The following PDE8A variants were observed in gnomAD, a reference collection of about 807,000 sequenced individuals.
PDE8A encodes phosphodiesterase 8A.
PDE8A carries 59 observed loss-of-function variants against 105.0 expected under a neutral mutation model. The observed-to-expected ratio is 0.56, with a 90% CI of 0.46 to 0.70. The LOEUF (loss-of-function observed/expected upper bound fraction) is 0.70. Ranked by LOEUF, PDE8A falls within the 30% of genes least tolerant of loss-of-function variation. PDE8A has a pLI of 0.00. For missense variants in PDE8A, 1,014 were observed against 1,045.9 expected (o/e 0.97, Z 0.42); for synonymous variants, 355 against 371.9 (o/e 0.95, Z 0.52).
At chr15:85,038,082 T>C (rs750596291) in intron 1 of PDE8A, among the ~76,000 whole-genome samples, 15 of 152,244 alleles carry the variant, frequency 9.9e-5, no homozygotes, top group Non-Finnish European at 1.5e-4. Context: ...TTTAATAAAA[T>C]TGTTAAAACT....
chr15:85,115,089 T>C (rs1239232467), intron 14 of PDE8A, among the ~76,000 whole-genome samples: 1 of 152,124 alleles, frequency 6.6e-6, no homozygotes, highest in Non-Finnish European at 1.5e-5. Flanking sequence ...CAGAGCACAG[T>C]TGTCCCTAAG....
chr15:85,120,614 A>G (rs1262945724), intron 17 of PDE8A, 183 bp from the exon 18 acceptor site: 7 of 543,130 alleles, frequency 1.3e-5, no homozygotes, highest in Non-Finnish European at 2.3e-5. Context: ...AGACTAACAA[A>G]TATGCAGAAA....
chr15:85,107,050 G>A (rs906057831), intron 11 of PDE8A, among the ~76,000 whole-genome samples: 1 of 152,212 alleles, frequency 6.6e-6, no homozygotes, highest in Admixed American at 6.5e-5. Context: ...AAGGCAAGAA[G>A]GCAAGACAAT....
chr15:85,058,479 G>T (rs201098555), intron 1 of PDE8A, among the ~76,000 whole-genome samples: 1 of 152,194 alleles, frequency 6.6e-6, no homozygotes, highest in Admixed American at 6.5e-5. Context: ...GAGAAGGATT[G>T]TATTAGTTCT....
chr15:85,107,599 G>T (rs538104848), intron 11 of PDE8A, among the ~76,000 whole-genome samples: 1 of 152,172 alleles, frequency 6.6e-6, no homozygotes, highest in Non-Finnish European at 1.5e-5. Context: ...AAGGAGAGGG[G>T]AGGGGGAGAA....
At chr15:85,069,119 T>A (rs1293947173) in intron 3 of PDE8A, among the ~76,000 whole-genome samples, 1 of 152,232 alleles carries the variant, frequency 6.6e-6, no homozygotes, top group Non-Finnish European at 1.5e-5. Context: ...AAAAGTAATG[T>A]TACGTGCTCA....
At chr15:85,127,324 C>CA in intron 20 of PDE8A, among the ~76,000 whole-genome samples, 1 of 152,196 alleles carries the variant, frequency 6.6e-6, no homozygotes, top group East Asian at 1.9e-4. Context: ...TGTTCCTCAT[C>CA]ATTGCAATAG....
At position 85,011,572 on chromosome 15, in the gene PDE8A, G is replaced by T. The variant is rs78438220; in HGVS notation, c.186+29224G>T. 5.0e-3 allele frequency among the ~76,000 whole-genome samples: 755 copies of T among 152,262 alleles called. 3 individuals are homozygous for T. Among genetic ancestry groups the T allele is most frequent in the African/African-American group, 0.017 (698 of 41,554 alleles). On this transcript the variant is annotated intron_variant, in intron 1 of 21. Coordinates refer to ENST00000394553, the MANE Select transcript of PDE8A (RefSeq NM_002605.3). ...CTAAAAGGGAAGCTTCAACTTTATT[G>T]TTAGAAAAATAATGGTTTTCCTAGA...
At chr15:84,994,847 C>G (rs1424714861) in intron 1 of PDE8A, among the ~76,000 whole-genome samples, 1 of 151,886 alleles carries the variant, frequency 6.6e-6, no homozygotes, top group Non-Finnish European at 1.5e-5. Context: ...GCCTATAATC[C>G]TAGCTACTAG....
chr15:85,050,764 T>G (rs1484222233), intron 1 of PDE8A, among the ~76,000 whole-genome samples: 1 of 152,226 alleles, frequency 6.6e-6, no homozygotes, highest in Admixed American at 6.5e-5. Flanking sequence ...TTCAGTTATG[T>G]TCTTTTCAGG....
intron 1 of PDE8A, among the ~76,000 whole-genome samples, chr15:85,021,066 T>A (rs186140854): frequency 8.5e-5 from 13 of 152,138 alleles, no homozygotes; most frequent in African/African-American, 2.9e-4. Context: ...GATGATTAGG[T>A]CATGGGGGCA....
chr15:84,994,705 G>T (rs961009939), intron 1 of PDE8A, among the ~76,000 whole-genome samples: 1 of 152,100 alleles, frequency 6.6e-6, no homozygotes, highest in East Asian at 1.9e-4. Context: ...GGTGGCTCAC[G>T]CCTGTAATCC....
In PDE8A at chr15:85,117,859, C is replaced by T. The variant is rs1388290605; in HGVS notation, c.1734+20C>T. Reference sequence around the variant, plus strand: ...ATAAAGGTGAGCTGTTGTTTACCTGCCACATTTAATGGGCAGGAGCAGTGG... The same window carrying T: ...ATAAAGGTGAGCTGTTGTTTACCTGTCACATTTAATGGGCAGGAGCAGTGG... On this transcript the variant is annotated intron_variant, in intron 17 of 21. Coordinates refer to ENST00000394553, the MANE Select transcript of PDE8A (RefSeq NM_002605.3). 1.9e-6 allele frequency: 3 copies of T among 1,583,720 alleles called. No homozygotes were observed. The African/African-American group carries it at 4.0e-5, about 21-fold the overall frequency.
intron 11 of PDE8A, among the ~76,000 whole-genome samples, chr15:85,108,198 C>A (rs1192474422): frequency 6.6e-6 from 1 of 152,108 alleles, no homozygotes; most frequent in African/African-American, 2.4e-5. Context: ...AAGTGAAGAG[C>A]CTTTTCGATG....
chr15:85,061,839 A>G (rs2081150848), intron 1 of PDE8A, among the ~76,000 whole-genome samples: 1 of 151,994 alleles, frequency 6.6e-6, no homozygotes, highest in African/African-American at 2.4e-5. Context: ...TCCCCTCTCT[A>G]AGTGTGCTCA....
chr15:85,012,403 C>A (rs1241511473), intron 1 of PDE8A, among the ~76,000 whole-genome samples: 2 of 151,922 alleles, frequency 1.3e-5, no homozygotes, highest in Admixed American at 6.6e-5. Context: ...TTGTAGGGAC[C>A]TGGATGAAAT....
chr15:85,089,327 T>G lies in PDE8A; in HGVS notation c.636-11T>G. The G allele has an allele frequency of 1.4e-6, 2 of 1,422,406 alleles. No individual in the cohort carries two copies. Among genetic ancestry groups the G allele is most frequent in the African/African-American group, 2.8e-5 (2 of 70,784 alleles). The allele number at this position is 1,422,406 out of a possible 1,614,324, so 88.1% of individuals were successfully genotyped here. The stretch of plus-strand genomic sequence containing the variant: ...TACATTAATCATTCCTTTTTTTGTT[T>G]ACTCATAAAGGGCTTGTAACTCAGT... On this transcript the variant is annotated splice_polypyrimidine_tract_variant and intron_variant, in intron 6 of 21. Coordinates refer to ENST00000394553, the MANE Select transcript of PDE8A (RefSeq NM_002605.3).
chr15:85,129,461 T>C (rs2082301107), intron 20 of PDE8A, among the ~76,000 whole-genome samples: 1 of 152,238 alleles, frequency 6.6e-6, no homozygotes, highest in African/African-American at 2.4e-5. Flanking sequence ...TCAGTCCTGG[T>C]AGGTTGCATG....
chr15:85,113,659 C>T (rs911473389), intron 13 of PDE8A, among the ~76,000 whole-genome samples: 1 of 152,060 alleles, frequency 6.6e-6, no homozygotes, highest in Non-Finnish European at 1.5e-5. Flanking sequence ...CAGACTGAGT[C>T]CTGTTGGGTT....
Sources: allele counts gnomAD v4.1 joint callset (sites outside exome capture counted in the v4.1 genomes callset), GRCh38; gene constraint gnomAD v4.1.1; transcripts MANE v1.5; gene names NCBI Gene and HGNC (gene_info 2026-07-23, HGNC 2026-07-21).